PDE4D: variants seen among roughly 807,000 people sequenced by gnomAD.
The protein encoded by PDE4D is 3',5'-cyclic-AMP phosphodiesterase 4D.
A neutral mutation model predicts 87.4 loss-of-function variants in PDE4D; 24 were observed. The ratio of observed to expected loss-of-function variants is 0.27; its 90% confidence interval spans 0.20 to 0.39. The LOEUF (loss-of-function observed/expected upper bound fraction) is 0.39, where lower values mean the gene tolerates loss of function less well. Ranked by LOEUF, PDE4D falls within the 10% of genes least tolerant of loss-of-function variation. The pLI, the probability that PDE4D is intolerant of heterozygous loss-of-function variation, is 1.00. For missense variants in PDE4D, 714 were observed against 1,041.0 expected (o/e 0.69, Z 4.32); for synonymous variants, 384 against 383.2 (o/e 1.00, Z -0.02).
At chr5:60,113,463 T>G (rs932159516) in intron 2 of PDE4D, among the ~76,000 whole-genome samples, 3 of 152,076 alleles carry the variant, frequency 2.0e-5, no homozygotes, top group African/African-American at 7.2e-5. Context: ...TGCTCCCTAT[T>G]AAGGAATCAT....
intron 5 of PDE4D, among the ~76,000 whole-genome samples, chr5:59,132,869 A>T (rs1171403322): frequency 6.6e-6 from 1 of 152,176 alleles, no homozygotes; most frequent in Non-Finnish European, 1.5e-5. Flanking sequence ...GTTCAGTCTG[A>T]TTTGACAACG....
chr5:59,301,678 G>A (rs1220371053), intron 1 of PDE4D, among the ~76,000 whole-genome samples: 1 of 152,092 alleles, frequency 6.6e-6, no homozygotes, highest in Non-Finnish European at 1.5e-5. Flanking sequence ...AAGGGAAAGT[G>A]GGGGAGAGAG....
intron 6 of PDE4D, among the ~76,000 whole-genome samples, chr5:59,025,830 C>A (rs1379102358): frequency 6.6e-6 from 1 of 152,220 alleles, no homozygotes; most frequent in African/African-American, 2.4e-5. Flanking sequence ...GACACATCCC[C>A]AGCAGGCCTG....
At chr5:59,759,235 T>A (rs6450529) in intron 1 of PDE4D, among the ~76,000 whole-genome samples, 95,137 of 151,958 alleles carry the variant, frequency 0.63, 31,481 homozygotes, top group African/African-American at 0.84. Flanking sequence ...ACAAAGAATA[T>A]TTTTTAAAAA....
At chr5:59,736,715 C>CA (rs1442864320) in intron 1 of PDE4D, among the ~76,000 whole-genome samples, 1 of 151,470 alleles carries the variant, frequency 6.6e-6, no homozygotes, top group South Asian at 2.1e-4. Context: ...AAATGATTGA[C>CA]AAAATATAGG....
At chr5:59,267,149 A>C (rs1762982393) in intron 1 of PDE4D, among the ~76,000 whole-genome samples, 1 of 152,090 alleles carries the variant, frequency 6.6e-6, no homozygotes. Flanking sequence ...TCTATAACAA[A>C]GTTGCAGTAT....
At chr5:60,239,516 T>G (rs1020968899) in intron 1 of PDE4D, among the ~76,000 whole-genome samples, 8 of 152,164 alleles carry the variant, frequency 5.3e-5, no homozygotes, top group African/African-American at 1.9e-4. Context: ...AATTTATAAA[T>G]GAATACAGAA....
chr5:60,196,035 TGCAGGCG>T (rs1263453528), intron 1 of PDE4D, among the ~76,000 whole-genome samples: 1 of 151,718 alleles, frequency 6.6e-6, no homozygotes, highest in African/African-American at 2.4e-5. Context: ...ATGAATAATA[TGCAGGCG>T]GTCACACTTA....
intron 2 of PDE4D, among the ~76,000 whole-genome samples, chr5:60,007,636 T>C (rs536953426): frequency 8.6e-5 from 13 of 152,034 alleles, no homozygotes; most frequent in Non-Finnish European, 1.9e-4. Flanking sequence ...CCATTCTATG[T>C]CACTGTCTGA....
At chr5:60,145,498 T>G (rs916208749) in intron 2 of PDE4D, among the ~76,000 whole-genome samples, 2 of 152,234 alleles carry the variant, frequency 1.3e-5, no homozygotes, top group Non-Finnish European at 2.9e-5. Context: ...TTTAGCCTAT[T>G]TAAAATTGCT....
chr5:59,228,039 T>C (rs1754217468), intron 1 of PDE4D, among the ~76,000 whole-genome samples: 1 of 152,188 alleles, frequency 6.6e-6, no homozygotes, highest in Non-Finnish European at 1.5e-5. Context: ...AAGAAAAATC[T>C]GGTACATATA....
intron 1 of PDE4D, among the ~76,000 whole-genome samples, chr5:59,795,942 C>T (rs1766427329): frequency 6.6e-6 from 1 of 152,116 alleles, no homozygotes; most frequent in South Asian, 2.1e-4. Context: ...TATGAAGAAA[C>T]AAAGAGAGAA....
intron 1 of PDE4D, among the ~76,000 whole-genome samples, chr5:60,474,614 C>G (rs1025165611): frequency 6.6e-6 from 1 of 152,138 alleles, no homozygotes; most frequent in South Asian, 2.1e-4. Flanking sequence ...AAAACGTGTG[C>G]TGCCAGGGCT....
At chr5:60,249,414 C>T (rs1209047733) in intron 1 of PDE4D, among the ~76,000 whole-genome samples, 1 of 151,996 alleles carries the variant, frequency 6.6e-6, no homozygotes, top group East Asian at 1.9e-4. Context: ...AAGAGTAAAG[C>T]ATTAAAATGT....
intron 1 of PDE4D, among the ~76,000 whole-genome samples, chr5:59,390,205 T>C (rs952586728): frequency 1.3e-4 from 20 of 152,142 alleles, no homozygotes; most frequent in Non-Finnish European, 1.6e-4. Flanking sequence ...TTTTGCAACT[T>C]ATAATAGTTA....
intron 1 of PDE4D, among the ~76,000 whole-genome samples, chr5:59,649,904 C>CTTGTTT (rs1561402852): frequency 4.1e-5 from 3 of 73,960 alleles, no homozygotes; most frequent in Admixed American, 1.8e-4. Context: ...AGTTTGTGAA[C>CTTGTTT]CTTTTTTTTT....
At chr5:59,422,409 G>T (rs913963845) in intron 1 of PDE4D, among the ~76,000 whole-genome samples, 1 of 152,122 alleles carries the variant, frequency 6.6e-6, no homozygotes, top group African/African-American at 2.4e-5. Flanking sequence ...TTGTTTCAAA[G>T]GCTGTTAGTA....
intron 3 of PDE4D, among the ~76,000 whole-genome samples, chr5:59,968,892 T>C (rs1262501054): frequency 2.0e-5 from 3 of 152,056 alleles, no homozygotes. Flanking sequence ...CACGTGATAA[T>C]GTATTATTCT....
In PDE4D at chr5:60,266,117, C is replaced by T. The variant is rs184476687; in HGVS notation, c.-89-80430G>A. ...AGCGGGAAGAAGGAGCAGACATTTA[C>T]AAGGGCTGGGTCCGCTGTTGTCACT... On this transcript the variant is annotated intron_variant, in intron 1 of 16. Transcript: ENST00000502484. Among the ~76,000 whole-genome samples, 14 of 152,170 alleles carry T rather than the reference C, an allele frequency of 9.2e-5. No homozygotes were observed. In the East Asian group the frequency reaches 2.1e-3, roughly 23 times the overall value.
Sources: allele counts gnomAD v4.1 joint callset (sites outside exome capture counted in the v4.1 genomes callset), GRCh38; gene constraint gnomAD v4.1.1; transcripts MANE v1.5; gene names NCBI Gene and HGNC (gene_info 2026-07-23, HGNC 2026-07-21).